Variants in DNAAF19 observed in about 807,000 individuals in gnomAD.
DNAAF19 encodes the protein coiled-coil domain containing 103.
At chr17:44,904,979 G>A in the DNAAF19 span, 2 of 1,550,754 alleles carry the variant, frequency 1.3e-6, no homozygotes, top group South Asian at 2.4e-5. Context: ...CACCCTGATA[G>A]GCTACCTGCT....
chr17:44,903,614 G>A, the DNAAF19 span: 1 of 1,408,596 alleles, frequency 7.1e-7, no homozygotes, highest in East Asian at 2.6e-5. Context: ...CCCACCCTGA[G>A]ATCAGGTCTG....
At chr17:44,901,050 G>C in the DNAAF19 span, 1 of 1,600,910 alleles carries the variant, frequency 6.2e-7, no homozygotes, top group Non-Finnish European at 8.5e-7. Context: ...AGAGCTGCAG[G>C]CTGCACTCAC....
At chr17:44,902,362 C>T in the DNAAF19 span, 4 of 1,614,208 alleles carry the variant, frequency 2.5e-6, no homozygotes, top group Non-Finnish European at 3.4e-6. Context: ...CTTTGTGGTC[C>T]AGGAGAAAGC....
the DNAAF19 span, chr17:44,902,570 C>A: frequency 6.2e-7 from 1 of 1,614,216 alleles, no homozygotes; most frequent in Non-Finnish European, 8.5e-7. Context: ...GCTGACCGGG[C>A]AGCGGTGCTG....
At chr17:44,903,103 A>G in the DNAAF19 span, 1 of 1,329,098 alleles carries the variant, frequency 7.5e-7, no homozygotes, top group Non-Finnish European at 9.6e-7. Flanking sequence ...ACTGGCCTTG[A>G]GAGATGAGTG....
the DNAAF19 span, chr17:44,902,741 T>C: frequency 6.2e-7 from 1 of 1,609,572 alleles, no homozygotes; most frequent in Non-Finnish European, 8.5e-7. Context: ...GAGCAGGGTC[T>C]GGAGGAGCAG....
the DNAAF19 span, chr17:44,903,357 G>T: frequency 3.9e-5 from 49 of 1,249,626 alleles, no homozygotes; most frequent in African/African-American, 7.4e-4. Flanking sequence ...CAAGCCATCA[G>T]CTCAGGTCCA....
At chr17:44,903,903 A>G in the DNAAF19 span, 32 of 1,550,384 alleles carry the variant, frequency 2.1e-5, no homozygotes, top group Admixed American at 6.3e-4. Flanking sequence ...GAGAAGGAAA[A>G]CATTTTTCAG....
At chr17:44,902,400 C>A in the DNAAF19 span, 1 of 1,614,228 alleles carries the variant, frequency 6.2e-7, no homozygotes, top group East Asian at 2.2e-5. Flanking sequence ...CGTCTGCTGA[C>A]TTCTATCGTG....
At chr17:44,901,437 C>T in the DNAAF19 span, 1 of 1,510,076 alleles carries the variant, frequency 6.6e-7, no homozygotes, top group East Asian at 2.3e-5. Context: ...ACAGGTTTAT[C>T]CTATACCATG....
chr17:44,901,599 T>C, the DNAAF19 span: 1 of 1,614,154 alleles, frequency 6.2e-7, no homozygotes, highest in Non-Finnish European at 8.5e-7. Context: ...GCCCTGGAAC[T>C]GTCACACTAT....
At chr17:44,903,148 G>A in the DNAAF19 span, 1 of 1,266,812 alleles carries the variant, frequency 7.9e-7, no homozygotes, top group African/African-American at 1.5e-5. Context: ...ACCAGTTACA[G>A]CCTCCACTCA....
chr17:44,903,915 G>A, the DNAAF19 span: 4 of 1,550,594 alleles, frequency 2.6e-6, no homozygotes, highest in Non-Finnish European at 3.5e-6. Context: ...ATTTTTCAGA[G>A]GACCCCCTGC....
chr17:44,902,900 A>G, the DNAAF19 span: 2 of 1,438,604 alleles, frequency 1.4e-6, no homozygotes, highest in Non-Finnish European at 1.8e-6. Flanking sequence ...CAGGACCATA[A>G]TAAGAAACCC....
At chr17:44,904,263 G>T in the DNAAF19 span, 1 of 1,550,430 alleles carries the variant, frequency 6.4e-7, no homozygotes, top group Non-Finnish European at 8.7e-7. Context: ...AACAGTGAGG[G>T]AATGGTGGCC....
At chr17:44,904,399 C>G in the DNAAF19 span, 1 of 1,542,044 alleles carries the variant, frequency 6.5e-7, no homozygotes, top group Non-Finnish European at 8.8e-7. Flanking sequence ...AGTGGCGCAT[C>G]GGCCTCTGCT....
chr17:44,901,546 A>G, the DNAAF19 span: 1 of 1,614,132 alleles, frequency 6.2e-7, no homozygotes, highest in Admixed American at 1.7e-5. Context: ...TCACATCTGA[A>G]GCCACTGGAG....
the DNAAF19 span, chr17:44,902,303 C>G: frequency 1.6e-4 from 250 of 1,604,510 alleles, no homozygotes; most frequent in Middle Eastern, 3.3e-3. Flanking sequence ...GCTCCCCTCC[C>G]TGTCACTGTT....
chr17:44,903,409 C>T, the DNAAF19 span: 1 of 1,250,860 alleles, frequency 8.0e-7, no homozygotes, highest in Middle Eastern at 3.1e-4. Context: ...GGGTGGGTTT[C>T]CTTCATCCCC....
Sources: allele counts gnomAD v4.1 joint callset, GRCh38; gene constraint gnomAD v4.1.1; transcripts MANE v1.5; gene names NCBI Gene and HGNC (gene_info 2026-07-23, HGNC 2026-07-21).